Variants in PRSS56 observed in about 807,000 individuals in gnomAD.
The protein encoded by PRSS56 is protease, serine 56.
In PRSS56, 55 loss-of-function variants were observed where a neutral mutation model predicts 66.8. The observed-to-expected ratio is 0.82, with a 90% CI of 0.66 to 1.03. PRSS56 has a LOEUF of 1.03. Ranked by LOEUF, PRSS56 falls within the 50% of genes least tolerant of loss-of-function variation. The pLI, the probability that PRSS56 is intolerant of heterozygous loss-of-function variation, is 0.00. For synonymous variants in PRSS56, 409 were observed against 387.9 expected, an observed-to-expected ratio of 1.05 and a Z score of -0.64; for missense variants, 869 against 837.2, an observed-to-expected ratio of 1.04 and a Z score of -0.47.
In PRSS56 at chr2:232,520,652, C is replaced by T. The variant is rs1199486833; in HGVS notation, c.54C>T (p.His18=). 2.2e-5 allele frequency: 34 copies of T among 1,535,888 alleles called. No individual in the cohort carries two copies. The highest frequency in any genetic ancestry group is 1.8e-4 in the Admixed American group (9 of 50,982). Residue 18 remains histidine, a synonymous_variant, in exon 1 of 13, where the codon CAC becomes CAT. Coordinates refer to ENST00000617714, the MANE Select transcript of PRSS56 (RefSeq NM_001195129.2). The part of the protein sequence containing the change: ...LLPLPSSWFA[H]GHPLYTRLPP... ...CCCTCCCAAGCTCATGGTTTGCCCA[C>T]GGGCACCCACTGTACACACGCCTGC...
intron 1 of PRSS56, among the ~76,000 whole-genome samples, chr2:232,520,909 G>A (rs986930004): frequency 2.1e-4 from 32 of 152,286 alleles, no homozygotes; most frequent in African/African-American, 5.8e-4. Context: ...TGAGCATGCC[G>A]AAAGGAATGG....
chr2:232,523,144 T>C lies in PRSS56; in HGVS notation c.791T>C (p.Leu264Pro), dbSNP rs1352354577. 9 of 1,531,428 alleles carry C rather than the reference T, an allele frequency of 5.9e-6. No homozygotes were observed. Among genetic ancestry groups the C allele is most frequent in the Non-Finnish European group, 7.9e-6 (9 of 1,144,352 alleles). 94.9% of individuals were successfully genotyped at this position (1,531,428 alleles called of 1,614,324 possible). A position where few individuals can be genotyped will look rare whatever the true frequency, so the allele number is the denominator to read the frequency against. ...DTCRRALGPGLRPSTMLCAGY... is the reference protein window; with the variant it reads ...DTCRRALGPGPRPSTMLCAGY... ...TGCCGAAGAGCCCTGGGGCCCGGGC[T>C]GCGCCCCAGCACCATGCTCTGCGCC... Residue 264 changes from leucine (L) to proline (P), a missense_variant, in exon 7 of 13, where the codon CTG (leucine) becomes CCG (proline). By Grantham distance (98) the Leu-to-Pro change is moderately conservative. Around this residue, in one of 3 missense-constraint regions of PRSS56, gnomAD observed 551 missense variants for 506.9 expected, o/e 1.09. Transcript: ENST00000617714.
rs1450759381 is a variant in PRSS56 at position 232,524,847 on chromosome 2, A to G, written c.1521+3A>G. 31 of 1,531,432 alleles carry G rather than the reference A, an allele frequency of 2.0e-5. No homozygotes were observed. The highest frequency in any genetic ancestry group is 9.8e-5 in the Admixed American group (5 of 50,956). The allele number at this position is 1,531,432 out of a possible 1,614,324, so 94.9% of individuals were successfully genotyped here. A position where few individuals can be genotyped will look rare whatever the true frequency, so the allele number is the denominator to read the frequency against. ...ACCTGGCCATGAACTTTCATGAGGTAGGTCCCCAGGCTTCCAGACTCCTTC... is the reference window on the plus strand; with the variant it reads ...ACCTGGCCATGAACTTTCATGAGGTGGGTCCCCAGGCTTCCAGACTCCTTC... On this transcript the variant is annotated splice_donor_region_variant and intron_variant, in intron 12 of 12. Transcript: ENST00000617714.
Position 232,523,880 on chromosome 2 carries a change from C to T in PRSS56, c.1121C>T (p.Pro374Leu), listed in dbSNP as rs892766726. Reference sequence around the variant, plus strand: ...TGCGCCTTCTATGCCCGCCTGTGCCCGGGGTCCCAGGGCGCCTGTGCGCGC... The same window carrying T: ...TGCGCCTTCTATGCCCGCCTGTGCCTGGGGTCCCAGGGCGCCTGTGCGCGC... ...RLCAFYARLC[P>L]GSQGACARLA... Residue 374 changes from proline to leucine, a missense_variant, in exon 9 of 13, where the codon CCG (proline) becomes CTG (leucine). Transcript: ENST00000617714. 3 of 1,528,778 alleles carry T rather than the reference C, an allele frequency of 2.0e-6. No homozygotes were observed. Among genetic ancestry groups the T allele is most frequent in the East Asian group, 2.5e-5 (1 of 40,640 alleles). The allele number at this position is 1,528,778 out of a possible 1,614,324, so 94.7% of individuals were successfully genotyped here.
chr2:232,522,659 C>T, intron 5 of PRSS56, 43 bp from the exon 6 acceptor site: 1 of 1,532,550 alleles, frequency 6.5e-7, no homozygotes, highest in Non-Finnish European at 8.7e-7. Flanking sequence ...CACCGCACCC[C>T]CACCCGTGCT....
intron 11 of PRSS56, 52 bp from the exon 12 acceptor site, chr2:232,524,686 A>T (rs1214470902): frequency 7.6e-7 from 1 of 1,323,800 alleles, no homozygotes; most frequent in African/African-American, 1.5e-5. Flanking sequence ...TGCCACCCCC[A>T]GTTCCATACC....
chr2:232,523,082 G>A lies in PRSS56; in HGVS notation c.729G>A (p.Val243=), dbSNP rs1305010980. 2 of 1,535,180 alleles carry A rather than the reference G, an allele frequency of 1.3e-6. No individual in the cohort carries two copies. Among genetic ancestry groups the A allele is most frequent in the Non-Finnish European group, 1.7e-6 (2 of 1,146,378 alleles). ...CAGACGGGCCTGAGGCTGAAGCAGTGAGAGAGGCCCGTGTTCCCCTGCTCA... is the reference window on the plus strand; with the variant it reads ...CAGACGGGCCTGAGGCTGAAGCAGTAAGAGAGGCCCGTGTTCCCCTGCTCA... The part of the protein sequence containing the change: ...LFEDGPEAEA[V]REARVPLLST... Residue 243 remains valine, a synonymous_variant, in exon 7 of 13, where the codon GTG becomes GTA. Transcript: ENST00000617714.
intron 2 of PRSS56, 146 bp from the exon 3 acceptor site, chr2:232,521,670 A>C (rs1348106098): frequency 9.4e-6 from 8 of 849,942 alleles, no homozygotes; most frequent in Non-Finnish European, 1.3e-5. Context: ...GGTGACCAGG[A>C]GAAGTTCATG....
rs1041948563 is a variant in PRSS56, at chr2:232,525,707, T to C, written c.*201T>C. On this transcript the variant is annotated 3_prime_UTR_variant, in exon 13 of 13. Coordinates refer to ENST00000617714, the MANE Select transcript of PRSS56 (RefSeq NM_001195129.2). ...CTGCTTTAATAAATGTTATTTATAA[T>C]ACACGGAAACAACTCTGGAGCTTTC... is the stretch of plus-strand genomic sequence containing the variant. 28 of 537,046 alleles carry C rather than the reference T, an allele frequency of 5.2e-5. No individual in the cohort carries two copies. The highest frequency in any genetic ancestry group is 8.0e-5 in the Non-Finnish European group (25 of 311,418). 33.3% of individuals were successfully genotyped at this position (537,046 alleles called of 1,614,324 possible).
rs961191608 is a variant in PRSS56 at position 232,523,167 on chromosome 2, G to A, written c.814G>A (p.Ala272Thr). ...GCTGCGCCCCAGCACCATGCTCTGC[G>A]CCGGGTACCTGGCGGGGGGCGTTGA... ...PGLRPSTMLC[A>T]GYLAGGVDSC... Residue 272 changes from alanine (A) to threonine (T), a missense_variant, in exon 7 of 13, where the codon GCC (alanine) becomes ACC (threonine). By Grantham distance (58) the Ala-to-Thr change is moderately conservative. Coordinates refer to ENST00000617714, the MANE Select transcript of PRSS56 (RefSeq NM_001195129.2). The A allele has an allele frequency of 2.0e-6, 3 of 1,497,974 alleles. No homozygotes were observed. The highest frequency in any genetic ancestry group is 2.5e-5 in the East Asian group (1 of 40,180). The allele number at this position is 1,497,974 out of a possible 1,614,324, so 92.8% of individuals were successfully genotyped here.
In PRSS56 at chr2:232,524,109, G is replaced by A; in HGVS notation, c.1257G>A (p.Pro419=). 6.6e-7 allele frequency: 1 copy of A among 1,515,186 alleles called. No individual in the cohort carries two copies. Among genetic ancestry groups the A allele is most frequent in the Non-Finnish European group, 8.8e-7 (1 of 1,138,654 alleles). 93.9% of individuals were successfully genotyped at this position (1,515,186 alleles called of 1,614,324 possible). A position where few individuals can be genotyped will look rare whatever the true frequency, so the allele number is the denominator to read the frequency against. The change falls in exon 10 of 13, where the codon CCG becomes CCA. Residue 419 remains proline, a synonymous_variant. Coordinates refer to ENST00000617714, the MANE Select transcript of PRSS56 (RefSeq NM_001195129.2). ...RNAQELLGPR[P]GLRRLAPALA... ...CGCAGGAGCTGCTCGGGCCTCGTCC[G>A]GGACTGCGGCGCCTGGCCCCCGCCC... is the stretch of plus-strand genomic sequence containing the variant.
Position 232,521,332 on chromosome 2 carries a change from C to T in PRSS56, c.109C>T (p.Gln37Ter). 6.5e-7 allele frequency: 1 copy of T among 1,536,090 alleles called. No homozygotes were observed. The highest frequency in any genetic ancestry group is 8.7e-7 in the Non-Finnish European group (1 of 1,146,844). The change falls in exon 2 of 13, where the codon CAG becomes TAG. Residue 37 changes from glutamine (Q) to a stop codon, truncating the protein, a stop_gained. Coordinates refer to ENST00000617714, the MANE Select transcript of PRSS56 (RefSeq NM_001195129.2). LOFTEE classifies it high-confidence loss of function. Reference protein sequence around the residue: ...PPSALQVLSAQGTQALQAAQR... With the variant: ...PPSALQVLSA The stretch of plus-strand genomic sequence containing the variant: ...CCCTGTCCCAGCAGTTCTGTCGGCC[C>T]AGGGGACTCAGGCGTTGCAGGCAGC...
intron 11 of PRSS56, 85 bp from the exon 12 acceptor site, chr2:232,524,653 C>A: frequency 4.2e-6 from 4 of 961,152 alleles, no homozygotes; most frequent in Non-Finnish European, 6.1e-6. Flanking sequence ...CCCTGGGAGG[C>A]CATCCTGAGG....
At chr2:232,522,254 G>C (rs1691296268) in intron 4 of PRSS56, 94 bp downstream of exon 4, 8 of 1,190,882 alleles carry the variant, frequency 6.7e-6, no homozygotes, top group Non-Finnish European at 8.8e-6. Context: ...CGGGAAAGGT[G>C]GTCTCTGCTG....
intron 1 of PRSS56, among the ~76,000 whole-genome samples, chr2:232,520,950 G>T (rs1436921643): frequency 1.3e-5 from 2 of 152,192 alleles, no homozygotes; most frequent in Non-Finnish European, 2.9e-5. Flanking sequence ...GAGAGAAACG[G>T]CCCGGGGCAG....
In PRSS56 at chr2:232,524,049, G is replaced by C. The variant is rs746235690; in HGVS notation, c.1197G>C (p.Ser399=). 6.6e-7 allele frequency: 1 copy of C among 1,524,542 alleles called. No homozygotes were observed. The highest frequency in any genetic ancestry group is 2.5e-5 in the East Asian group (1 of 39,476). The allele number at this position is 1,524,542 out of a possible 1,614,324, so 94.4% of individuals were successfully genotyped here. The change falls in exon 10 of 13, where the codon TCG becomes TCC. Residue 399 remains serine, a synonymous_variant. Transcript: ENST00000617714. The part of the protein sequence containing the change: ...LQRRRRCELR[S]LAHTLLGLLR... Reference sequence around the variant, plus strand: ...CTGTCCGGTCCGCAGAGCTGCGCTCGCTGGCGCACACGCTGCTGGGCCTGC... The same window carrying C: ...CTGTCCGGTCCGCAGAGCTGCGCTCCCTGGCGCACACGCTGCTGGGCCTGC...
intron 1 of PRSS56, among the ~76,000 whole-genome samples, 155 bp downstream of exon 1, chr2:232,520,850 G>T (rs2106199815): frequency 6.6e-6 from 1 of 152,226 alleles, no homozygotes; most frequent in African/African-American, 2.4e-5. Context: ...CAAGAACTGA[G>T]ATATAGGTGG....
intron 5 of PRSS56, 42 bp downstream of exon 5, chr2:232,522,656 C>A (rs767799701): frequency 9.8e-5 from 150 of 1,531,724 alleles, no homozygotes; most frequent in Non-Finnish European, 1.3e-4. Context: ...GGGCACCGCA[C>A]CCCCACCCGT....
intron 1 of PRSS56, 88 bp from the exon 2 acceptor site, chr2:232,521,233 C>T: frequency 9.2e-7 from 1 of 1,091,370 alleles, no homozygotes; most frequent in South Asian, 1.4e-5. Flanking sequence ...GGTGGGTCTC[C>T]CGAGGCAGGG....
Sources: gnomAD v4.1 joint callset for allele counts (sites outside exome capture counted in the v4.1 genomes callset) on GRCh38, gnomAD v4.1.1 for gene constraint, gnomAD v4.1.1 regional missense constraint, MANE v1.5 for transcripts, NCBI Gene and HGNC (gene_info 2026-07-23, HGNC 2026-07-21) for gene names.